Variants in NRXN1 observed in about 807,000 individuals in gnomAD.
NRXN1 encodes the protein neurexin-1.
NRXN1 carries 39 observed loss-of-function variants against 150.9 expected under a neutral mutation model. The observed-to-expected ratio is 0.26, with a 90% CI of 0.20 to 0.34. The LOEUF is 0.34. Ranked by LOEUF, NRXN1 falls within the 10% of genes least tolerant of loss-of-function variation. The probability of loss-of-function intolerance (pLI) is 1.00; values close to 1 mark genes in which losing one functional copy is unlikely to be tolerated. For missense variants in NRXN1, 1,815 were observed against 1,949.9 expected, an observed-to-expected ratio of 0.93 and a Z score of 1.30; for synonymous variants, 924 against 757.0, an observed-to-expected ratio of 1.22 and a Z score of -3.62.
At chr2:50,433,978 G>C (rs754056401) in intron 17 of NRXN1, among the ~76,000 whole-genome samples, 9 of 148,750 alleles carry the variant, frequency 6.1e-5, no homozygotes, top group Non-Finnish European at 1.0e-4. Context: ...TTTCACTTAG[G>C]TTCTGACTTT....
At chr2:50,366,381 T>C in intron 17 of NRXN1, among the ~76,000 whole-genome samples, 1 of 151,954 alleles carries the variant, frequency 6.6e-6, no homozygotes, top group East Asian at 1.9e-4. Context: ...CGTAATATTT[T>C]TGGAGTAGCC....
At chr2:49,992,712 C>T (rs1390225984) in intron 21 of NRXN1, among the ~76,000 whole-genome samples, 1 of 151,998 alleles carries the variant, frequency 6.6e-6, no homozygotes, top group African/African-American at 2.4e-5. Flanking sequence ...ACAAAGAACT[C>T]GTAAAACTCA....
At chr2:50,156,657 C>A (rs2059039324) in intron 18 of NRXN1, among the ~76,000 whole-genome samples, 1 of 151,778 alleles carries the variant, frequency 6.6e-6, no homozygotes, top group Non-Finnish European at 1.5e-5. Context: ...TAAACCAATA[C>A]AATGTAAAGT....
At chr2:50,489,939 G>A (rs912698229) in intron 15 of NRXN1, among the ~76,000 whole-genome samples, 1 of 151,556 alleles carries the variant, frequency 6.6e-6, no homozygotes, top group Non-Finnish European at 1.5e-5. Flanking sequence ...CCTCCTTAAG[G>A]TAGGATTAAA....
rs1029926761 is a variant in NRXN1 at position 50,939,368 on chromosome 2, A to T, written c.773-13413T>A. ...TGATATATTTAGTAAGTTAACAATG[A>T]AAACATTTTTAGTAAATTAAATAAT... is the stretch of plus-strand genomic sequence containing the variant. On this transcript the variant is annotated intron_variant, in intron 2 of 22. Coordinates refer to ENST00000401669, the MANE Select transcript of NRXN1 (RefSeq NM_001330078.2). Among the ~76,000 whole-genome samples the T allele has an allele frequency of 6.8e-4, 103 of 152,174 alleles. 1 individual carries two copies. The Middle Eastern group carries it at 0.02, about 30-fold the overall frequency.
chr2:50,638,209 C>T (rs1392684213), intron 5 of NRXN1, among the ~76,000 whole-genome samples: 2 of 152,124 alleles, frequency 1.3e-5, no homozygotes, highest in African/African-American at 4.8e-5. Flanking sequence ...AGTATATTTC[C>T]AGGAACCCTA....
chr2:50,860,029 T>C (rs1368997076), intron 5 of NRXN1, among the ~76,000 whole-genome samples: 1 of 152,066 alleles, frequency 6.6e-6, no homozygotes, highest in Non-Finnish European at 1.5e-5. Context: ...GTTTTTAATC[T>C]TTTAAAATCT....
rs75106717 is a variant in NRXN1, at chr2:50,099,467, C to T, written c.3547-7973G>A. ...ATTCACAAGGTTGTGCAACCATCACCATTATTTAATTTCAGAACATTTGCA... is the reference window on the plus strand; with the variant it reads ...ATTCACAAGGTTGTGCAACCATCACTATTATTTAATTTCAGAACATTTGCA... On this transcript the variant is annotated intron_variant, in intron 18 of 22. Coordinates refer to ENST00000401669, the MANE Select transcript of NRXN1 (RefSeq NM_001330078.2). 1.3e-4 allele frequency among the ~76,000 whole-genome samples: 20 copies of T among 152,158 alleles called. No individual in the cohort carries two copies. In the East Asian group the frequency reaches 3.1e-3, roughly 24 times the overall value.
At chr2:50,860,520 T>C (rs1327173220) in intron 5 of NRXN1, among the ~76,000 whole-genome samples, 3 of 152,046 alleles carry the variant, frequency 2.0e-5, no homozygotes, top group Non-Finnish European at 2.9e-5. Context: ...AAACAACACA[T>C]TGCAGAGGCA....
intron 2 of NRXN1, among the ~76,000 whole-genome samples, chr2:50,998,223 G>A (rs761557925): frequency 5.0e-5 from 7 of 141,222 alleles, no homozygotes; most frequent in Non-Finnish European, 7.5e-5. Context: ...AAGTTTATCA[G>A]AGACAATACT....
intron 21 of NRXN1, among the ~76,000 whole-genome samples, chr2:49,976,523 A>G (rs562711876): frequency 1.3e-5 from 2 of 152,142 alleles, no homozygotes; most frequent in Non-Finnish European, 2.9e-5. Flanking sequence ...ATCGATGTTC[A>G]TGTAGGTTTA....
intron 5 of NRXN1, among the ~76,000 whole-genome samples, chr2:50,800,298 G>T (rs544929116): frequency 2.0e-4 from 31 of 152,138 alleles, no homozygotes; most frequent in Admixed American, 6.5e-4. Flanking sequence ...CACTCTTCCC[G>T]TCTCAAATCA....
intron 17 of NRXN1, among the ~76,000 whole-genome samples, chr2:50,366,613 A>T (rs534380839): frequency 1.3e-4 from 20 of 152,106 alleles, no homozygotes; most frequent in African/African-American, 4.8e-4. Context: ...GTTAATCTTG[A>T]AAAAATGTAA....
intron 17 of NRXN1, among the ~76,000 whole-genome samples, chr2:50,283,421 T>C (rs1302275412): frequency 6.6e-6 from 1 of 152,202 alleles, no homozygotes; most frequent in Non-Finnish European, 1.5e-5. Context: ...CCTTTCTAAA[T>C]ATCTTTCTTG....
chr2:50,870,618 T>C (rs1388181841), intron 5 of NRXN1, among the ~76,000 whole-genome samples: 1 of 151,976 alleles, frequency 6.6e-6, no homozygotes, highest in Admixed American at 6.6e-5. Flanking sequence ...TCACCACACT[T>C]TTGAGCTTGT....
intron 5 of NRXN1, among the ~76,000 whole-genome samples, chr2:50,718,301 A>T (rs1052914961): frequency 6.6e-6 from 1 of 152,156 alleles, no homozygotes; most frequent in African/African-American, 2.4e-5. Context: ...GCACAAAAAA[A>T]ATTTGGCTTA....
chr2:50,059,566 T>C (rs868395138), intron 19 of NRXN1, among the ~76,000 whole-genome samples: 1 of 152,302 alleles, frequency 6.6e-6, no homozygotes, highest in South Asian at 2.1e-4. Flanking sequence ...AAAGGTTAAC[T>C]GCCAGGACAA....
At chr2:50,043,015 A>C (rs1163825149) in intron 21 of NRXN1, among the ~76,000 whole-genome samples, 1 of 152,210 alleles carries the variant, frequency 6.6e-6, no homozygotes, top group Admixed American at 6.5e-5. Context: ...CACTGCTGGC[A>C]GATGAGTCAG....
chr2:50,415,035 A>C (rs1156761193), intron 17 of NRXN1, among the ~76,000 whole-genome samples: 1 of 152,140 alleles, frequency 6.6e-6, no homozygotes, highest in African/African-American at 2.4e-5. Flanking sequence ...TATGACATGG[A>C]TCAGGCACAT....
Sources: allele counts gnomAD v4.1 joint callset (sites outside exome capture counted in the v4.1 genomes callset), GRCh38; gene constraint gnomAD v4.1.1; transcripts MANE v1.5; gene names NCBI Gene and HGNC (gene_info 2026-07-23, HGNC 2026-07-21).